The following PATL2 variants were observed in gnomAD, a reference collection of about 807,000 sequenced individuals.
PATL2 encodes protein PAT1 homolog 2.
PATL2 carries 73 observed loss-of-function variants against 77.0 expected under a neutral mutation model. The ratio of observed to expected loss-of-function variants is 0.95; its 90% CI spans 0.78 to 1.15. The LOEUF (loss-of-function observed/expected upper bound fraction) is 1.15, where lower values mean the gene tolerates loss of function less well. Among genes scored for constraint, PATL2 ranks in the 50% most tolerant of loss-of-function variants. The probability of loss-of-function intolerance (pLI) is 0.00; values close to 1 mark genes in which losing one functional copy is unlikely to be tolerated. For missense variants in PATL2, 618 were observed against 655.4 expected (o/e 0.94, Z 0.62); for synonymous variants, 265 against 257.1 (o/e 1.03, Z -0.29).
At chr15:44,693,862 G>A (rs920765732) in intron 3 of PATL2, among the ~76,000 whole-genome samples, 1 of 151,812 alleles carries the variant, frequency 6.6e-6, no homozygotes, top group Non-Finnish European at 1.5e-5. Flanking sequence ...ACCATGCCCG[G>A]GTAATTTTTT....
At chr15:44,694,715 A>T (rs2086466202) in intron 3 of PATL2, among the ~76,000 whole-genome samples, 1 of 152,194 alleles carries the variant, frequency 6.6e-6, no homozygotes, top group African/African-American at 2.4e-5. Context: ...ATTCCTATGA[A>T]TCAAGTGATG....
chr15:44,685,989 G>A (rs201150681), intron 3 of PATL2, among the ~76,000 whole-genome samples: 1 of 152,128 alleles, frequency 6.6e-6, no homozygotes, highest in East Asian at 1.9e-4. Flanking sequence ...GTCAATATTA[G>A]ACAGATCAAC....
intron 8 of PATL2, 90 bp from the exon 9 acceptor site, chr15:44,672,246 A>G (rs1379392442): frequency 6.5e-7 from 1 of 1,543,116 alleles, no homozygotes; most frequent in African/African-American, 1.4e-5. Context: ...CTCTCTGGGA[A>G]GGATGGAGCA....
Position 44,669,967 on chromosome 15 carries a change from C to T in PATL2, c.778G>A (p.Val260Met), listed in dbSNP as rs1459196385. Residue 260 changes from valine (V) to methionine (M), a missense_variant and splice_region_variant, in exon 10 of 18, where the codon GTG (valine) becomes ATG (methionine). Transcript: ENST00000682850. ...YIPKAEAYESVVRIEGSLGQV... is the reference protein window; with the variant it reads ...YIPKAEAYESMVRIEGSLGQV... ...GTCAGCAGGTCAGCCCTGACCCTAC[C>T]GGACTCATAAGCCTCTGCCTTCGGA... The T allele has an allele frequency of 2.6e-6, 4 of 1,548,806 alleles. No homozygotes were observed. The highest frequency in any genetic ancestry group is 1.4e-5 in the African/African-American group (1 of 72,990).
Position 44,669,138 on chromosome 15 carries a change from C to A in PATL2, c.1066G>T (p.Glu356Ter). The stretch of plus-strand genomic sequence containing the variant: ...ACCTGCAGGAAGCCATCTGCTGCCT[C>A]TCTGCAAGGGAGAGAGGAGAACATT... ...LKTQEQNNLEEAADGFLQVLS... is the reference protein window; with the variant it reads ...LKTQEQNNLE The change falls in exon 14 of 18, where the codon GAG becomes TAG. Residue 356 changes from glutamate to a stop codon, truncating the protein, a stop_gained and splice_region_variant. Transcript: ENST00000682850. LOFTEE classifies it high-confidence loss of function. The A allele has an allele frequency of 1.9e-6, 3 of 1,539,624 alleles. No individual in the cohort carries two copies. The highest frequency in any genetic ancestry group is 2.6e-6 in the Non-Finnish European group (3 of 1,139,696).
At chr15:44,695,858 T>C (rs779452135) in intron 3 of PATL2, among the ~76,000 whole-genome samples, 2 of 152,184 alleles carry the variant, frequency 1.3e-5, no homozygotes, top group Non-Finnish European at 2.9e-5. Context: ...TAATTCTTCC[T>C]GGTTTCCTCA....
At chr15:44,709,415 C>T (rs1229988154) in intron 3 of PATL2, among the ~76,000 whole-genome samples, 1 of 151,988 alleles carries the variant, frequency 6.6e-6, no homozygotes, top group Non-Finnish European at 1.5e-5. Context: ...GGCGTGGTAA[C>T]ACATGCTTGT....
chr15:44,702,550 TTTCTAG>T (rs1452748508), intron 3 of PATL2, among the ~76,000 whole-genome samples: 1 of 152,010 alleles, frequency 6.6e-6, no homozygotes, highest in Non-Finnish European at 1.5e-5. Context: ...TGCTCTTGCT[TTTCTAG>T]TTCTTTGAAA....
intron 8 of PATL2, 108 bp from the exon 9 acceptor site, chr15:44,672,264 A>C (rs2085725654): frequency 6.5e-7 from 1 of 1,533,188 alleles, no homozygotes; most frequent in African/African-American, 1.4e-5. Flanking sequence ...GCAAGCACAG[A>C]GGTGGGCAAC....
At chr15:44,697,692 G>C (rs967709607) in intron 3 of PATL2, among the ~76,000 whole-genome samples, 1 of 151,830 alleles carries the variant, frequency 6.6e-6, no homozygotes, top group Non-Finnish European at 1.5e-5. Context: ...ACTTCTTATG[G>C]ATCCCTTCTC....
intron 3 of PATL2, among the ~76,000 whole-genome samples, chr15:44,686,711 G>T (rs2086266031): frequency 6.6e-6 from 1 of 152,046 alleles, no homozygotes; most frequent in Non-Finnish European, 1.5e-5. Context: ...AATAAAAAAT[G>T]ATAAAGGGGA....
intron 3 of PATL2, among the ~76,000 whole-genome samples, chr15:44,695,870 AGTT>A (rs914832071): frequency 1.8e-4 from 27 of 152,080 alleles, no homozygotes; most frequent in African/African-American, 5.6e-4. Flanking sequence ...GTTTCCTCAC[AGTT>A]GTTTTAGGGG....
intron 3 of PATL2, among the ~76,000 whole-genome samples, chr15:44,709,259 A>C (rs910713043): frequency 6.6e-6 from 1 of 152,168 alleles, no homozygotes; most frequent in African/African-American, 2.4e-5. Flanking sequence ...CAGTTCTTCT[A>C]AATTCTTGCC....
intron 3 of PATL2, chr15:44,676,780 A>G: frequency 8.0e-7 from 1 of 1,246,218 alleles, no homozygotes; most frequent in Non-Finnish European, 1.0e-6. Context: ...AATGAGGCAC[A>G]GGCTAGAAGC....
rs1555390146 is a variant in PATL2 at position 44,705,811 on chromosome 15, G to GTTTTTTGTTTTTT, written c.-76+4284_-76+4285insAAAAAACAAAAAA. On this transcript the variant is annotated intron_variant, in intron 3 of 17. Coordinates refer to ENST00000682850, the MANE Select transcript of PATL2 (RefSeq NM_001387263.1). ...TTTCTTTGAGTTTCCTCAAAACATTGTTTTTTTTTAGACAGAGTCTTGCTC... is the reference window on the plus strand; with the variant it reads ...TTTCTTTGAGTTTCCTCAAAACATTGTTTTTTGTTTTTTTTTTTTTTTAGACAGAGTCTTGCTC... 4.1e-3 allele frequency among the ~76,000 whole-genome samples: 551 copies of GTTTTTTGTTTTTT among 135,400 alleles called. 24 individuals are homozygous for GTTTTTTGTTTTTT. The highest frequency in any genetic ancestry group is 0.039 in the East Asian group (181 of 4,644). The allele number at this position is 135,400 out of a possible 152,430, so 88.8% of individuals were successfully genotyped here. A position where few individuals can be genotyped will look rare whatever the true frequency, so the allele number is the denominator to read the frequency against.
At position 44,688,155 on chromosome 15, in the gene PATL2, C is replaced by T. The variant is rs571926454; in HGVS notation, c.-75-11590G>A. 3.1e-4 allele frequency among the ~76,000 whole-genome samples: 46 copies of T among 148,608 alleles called. 1 individual carries two copies. The highest frequency in any genetic ancestry group is 1.8e-3 in the East Asian group (9 of 5,046). On this transcript the variant is annotated intron_variant, in intron 3 of 17. Coordinates refer to ENST00000682850, the MANE Select transcript of PATL2 (RefSeq NM_001387263.1). ...CAGCTACTTGGGAGGCTGAGGCAGG[C>T]GAATGGCGTGAACCCGGGAGGCAGA... is the stretch of plus-strand genomic sequence containing the variant.
intron 3 of PATL2, among the ~76,000 whole-genome samples, chr15:44,690,921 TGAATGTCTGTTAACACA>T (rs2086376809): frequency 1.3e-5 from 2 of 152,240 alleles, no homozygotes; most frequent in African/African-American, 2.4e-5. Flanking sequence ...TAGTTAAGTG[TGAATGTCTGTTAACACA>T]GAATGTCTGT....
chr15:44,673,331 C>T lies in PATL2; in HGVS notation c.350G>A (p.Ser117Asn). ...AAAGTGCTGTGCTGGAGAGCTGGTG[C>T]TGGGAAATGTAGGCCAGAAAGGGAT... ...SPIPFWPTFP[S>N]TSSPAQHFGP... The change falls in exon 7 of 18, where the codon AGC (serine) becomes AAC (asparagine). Residue 117 changes from serine to asparagine, a missense_variant. Physicochemically the swap from Ser to Asn is conservative, Grantham distance 46. Transcript: ENST00000682850. The T allele has an allele frequency of 1.3e-6, 2 of 1,551,642 alleles. No individual in the cohort carries two copies. The highest frequency in any genetic ancestry group is 2.4e-5 in the South Asian group (2 of 84,052).
chr15:44,691,105 T>TAAA (rs937266157), intron 3 of PATL2, among the ~76,000 whole-genome samples: 66 of 152,074 alleles, frequency 4.3e-4, no homozygotes, highest in African/African-American at 1.5e-3. Context: ...CTACTTTTTT[T>TAAA]AACTGATATT....
Sources: allele counts gnomAD v4.1 joint callset (sites outside exome capture counted in the v4.1 genomes callset), GRCh38; gene constraint gnomAD v4.1.1; transcripts MANE v1.5; gene names NCBI Gene and HGNC (gene_info 2026-07-23, HGNC 2026-07-21).